Variants in EPHA1 observed in about 807,000 individuals in gnomAD.
The protein encoded by EPHA1 is EPH receptor A1, also known as ephrin type-A receptor 1.
A neutral mutation model predicts 110.1 loss-of-function variants in EPHA1; 92 were observed. The ratio of observed to expected loss-of-function variants is 0.84; its 90% CI spans 0.71 to 0.99. The LOEUF (loss-of-function observed/expected upper bound fraction) is 0.99. Among genes scored for constraint, EPHA1 ranks in the 50% least tolerant of loss-of-function variants. EPHA1 has a pLI of 0.00. For missense variants in EPHA1, 1,204 were observed against 1,285.4 expected, an observed-to-expected ratio of 0.94 and a Z score of 0.97; for synonymous variants, 500 against 516.1, an observed-to-expected ratio of 0.97 and a Z score of 0.42.
rs1222642376 is a variant in EPHA1 at position 143,394,239 on chromosome 7, C to A, written c.2457G>T (p.Val819=). 3.1e-6 allele frequency: 5 copies of A among 1,614,084 alleles called. No homozygotes were observed. The South Asian group carries it at 5.5e-5, about 18-fold the overall frequency. The change falls in exon 15 of 18, where the codon GTG becomes GTT. Residue 819 remains valine (V), a synonymous_variant. Coordinates refer to ENST00000275815, the MANE Select transcript of EPHA1 (RefSeq NM_005232.5). ...VWSFGIVMWE[V]LSFGDKPYGE... is the part of the protein sequence containing the mutation. ...CATAAGGCTTGTCCCCAAAGCTCAG[C>A]ACCTCCCACATCACAATCCCAAAGC...
chr7:143,392,503 A>G (rs1468280465), intron 16 of EPHA1, among the ~76,000 whole-genome samples: 2 of 152,156 alleles, frequency 1.3e-5, no homozygotes, highest in African/African-American at 4.8e-5. Flanking sequence ...TGGCTACCCA[A>G]TAAAGCACTT....
At chr7:143,407,521 T>C in intron 2 of EPHA1, 90 bp downstream of exon 2, 1 of 1,353,774 alleles carries the variant, frequency 7.4e-7, no homozygotes, top group Non-Finnish European at 1.0e-6. Context: ...TTTTTCCTGC[T>C]CTTTTCTCTG....
In EPHA1 at chr7:143,394,248, C is replaced by T. The variant is rs758500982; in HGVS notation, c.2448G>A (p.Met816Ile). ...ASDVWSFGIVMWEVLSFGDKP... is the reference protein window; with the variant it reads ...ASDVWSFGIVIWEVLSFGDKP... ...TGTCCCCAAAGCTCAGCACCTCCCACATCACAATCCCAAAGCTCCACACAT... is the reference window on the plus strand; with the variant it reads ...TGTCCCCAAAGCTCAGCACCTCCCATATCACAATCCCAAAGCTCCACACAT... Residue 816 changes from methionine to isoleucine, a missense_variant, in exon 15 of 18, where the codon ATG becomes ATA. By Grantham distance (10) the Met-to-Ile change is conservative. Transcript: ENST00000275815. 1 of 1,614,052 alleles carries T rather than the reference C, an allele frequency of 6.2e-7. No homozygotes were observed. Among genetic ancestry groups the T allele is most frequent in the South Asian group, 1.1e-5 (1 of 91,078 alleles).
rs1805222613 is a variant in EPHA1 at position 143,395,610 on chromosome 7, A to C, written c.1898-106T>G. The C allele has an allele frequency of 8.2e-7, 1 of 1,215,054 alleles. No individual in the cohort carries two copies. The highest frequency in any genetic ancestry group is 2.5e-5 in the Admixed American group (1 of 40,538). The allele number at this position is 1,215,054 out of a possible 1,614,324, so 75.3% of individuals were successfully genotyped here. A position where few individuals can be genotyped will look rare whatever the true frequency, so the allele number is the denominator to read the frequency against. ...CGGCCCTTTTCTTTTCTGGAGAATC[A>C]GAAGCGTGGAGTGCCCTTCCTGGGA... is the stretch of plus-strand genomic sequence containing the variant. On this transcript the variant is annotated intron_variant, in intron 11 of 17. Coordinates refer to ENST00000275815, the MANE Select transcript of EPHA1 (RefSeq NM_005232.5). The surrounding 1 kb of genome is among the most constrained non-coding windows in gnomAD (Gnocchi z 4.7).
Position 143,399,324 on chromosome 7 carries a change from T to C in EPHA1, c.925A>G (p.Thr309Ala), listed in dbSNP as rs749476007. 1.2e-6 allele frequency: 2 copies of C among 1,612,414 alleles called. No individual in the cohort carries two copies. The highest frequency in any genetic ancestry group is 3.3e-5 in the Admixed American group (2 of 59,948). The change falls in exon 5 of 18, where the codon ACC becomes GCC. Residue 309 changes from threonine (T) to alanine (A), a missense_variant. By Grantham distance (58) the Thr-to-Ala change is moderately conservative (BLOSUM62 0). Coordinates refer to ENST00000275815, the MANE Select transcript of EPHA1 (RefSeq NM_005232.5). ...TGGCCGCTCTCACAGGTACAGATGG[T>C]GGCCCCCTCAGACTCAGCAGTGCTC... ...QQSTAESEGA[T>A]ICTCESGHYR...
At position 143,395,171 on chromosome 7, in the gene EPHA1, T is replaced by C; in HGVS notation, c.2095A>G (p.Met699Val). ...TTCTCCATAAATTCTGTGATGATCA[T>C]GATCGGCTTTCCTGAGACACAGACA... ...EGVVTKRKPI[M>V]IITEFMENGA... The change falls in exon 13 of 18, where the codon ATG becomes GTG. Residue 699 changes from methionine to valine, a missense_variant. Physicochemically the swap from Met to Val is conservative, Grantham distance 21 (BLOSUM62 1). Coordinates refer to ENST00000275815, the MANE Select transcript of EPHA1 (RefSeq NM_005232.5). This position sits in a 1 kb window ranked among gnomAD's most constrained non-coding sequence, Gnocchi z 4.7. 7 of 1,613,848 alleles carry C rather than the reference T, an allele frequency of 4.3e-6. No homozygotes were observed. The highest frequency in any genetic ancestry group is 5.9e-6 in the Non-Finnish European group (7 of 1,180,038).
At chr7:143,408,652 A>G in intron 1 of EPHA1, 72 bp downstream of exon 1, 1 of 261,524 alleles carries the variant, frequency 3.8e-6, no homozygotes, top group Non-Finnish European at 6.0e-6. Context: ...CGGCTTCTGC[A>G]GGGGGGTGCT....
At chr7:143,392,471 T>C (rs1186146915) in intron 16 of EPHA1, among the ~76,000 whole-genome samples, 1 of 152,186 alleles carries the variant, frequency 6.6e-6, no homozygotes, top group South Asian at 2.1e-4. Flanking sequence ...GGTGGTTGGA[T>C]ACAGAGGCCA....
chr7:143,394,524 G>A (rs1405233869), intron 14 of EPHA1, among the ~76,000 whole-genome samples, 181 bp from the exon 15 acceptor site: 2 of 152,074 alleles, frequency 1.3e-5, no homozygotes, highest in South Asian at 2.1e-4. Context: ...AGGTTCAAGC[G>A]ATTCTCCTGC....
At chr7:143,408,494 C>G (rs1018841581) in intron 1 of EPHA1, among the ~76,000 whole-genome samples, 39 of 152,180 alleles carry the variant, frequency 2.6e-4, no homozygotes, top group Admixed American at 1.0e-3. Context: ...GAGCAGATTG[C>G]TGGCCTGCGG....
rs755258725 is a variant in EPHA1, at chr7:143,401,536, G to C, written c.220C>G (p.Arg74Gly). The change falls in exon 3 of 18, where the codon CGC becomes GGC. Residue 74 changes from arginine (R) to glycine (G), a missense_variant. Arg to Gly is a moderately radical substitution (Grantham distance 125). Transcript: ENST00000275815. This position sits in a 1 kb window ranked among gnomAD's most constrained non-coding sequence, Gnocchi z 4.1. ...CGAAGCCAGTGGTCAGTGTCTCTGC[G>C]TCCTTGCATTGGGCAGTCCTGGTAC... ...YMYQDCPMQG[R>G]RDTDHWLRSN... 6.2e-7 allele frequency: 1 copy of C among 1,614,124 alleles called. No homozygotes were observed. Among genetic ancestry groups the C allele is most frequent in the Non-Finnish European group, 8.5e-7 (1 of 1,180,028 alleles).
chr7:143,395,454 A>G lies in EPHA1; in HGVS notation c.1948T>C (p.Cys650Arg), dbSNP rs1248856138. The change falls in exon 12 of 18, where the codon TGC becomes CGC. Residue 650 changes from cysteine (C) to arginine (R), a missense_variant. Physicochemically the swap from Cys to Arg is radical, Grantham distance 180. Coordinates refer to ENST00000275815, the MANE Select transcript of EPHA1 (RefSeq NM_005232.5). The surrounding 1 kb of genome is among the most constrained non-coding windows in gnomAD (Gnocchi z 4.7). ...RGTLRLPSQD[C>R]KTVAIKTLKD... ...AAGGTCTTAATGGCCACAGTCTTGCAGTCCTGGCTGGGGAGCCTCAGGGTC... is the reference window on the plus strand; with the variant it reads ...AAGGTCTTAATGGCCACAGTCTTGCGGTCCTGGCTGGGGAGCCTCAGGGTC... The G allele has an allele frequency of 6.2e-7, 1 of 1,614,184 alleles. No individual in the cohort carries two copies. Among genetic ancestry groups the G allele is most frequent in the Non-Finnish European group, 8.5e-7 (1 of 1,180,052 alleles).
Position 143,397,924 on chromosome 7 carries a change from T to C in EPHA1, c.1611A>G (p.Pro537=). The C allele has an allele frequency of 6.2e-7, 1 of 1,613,916 alleles. No homozygotes were observed. Among genetic ancestry groups the C allele is most frequent in the South Asian group, 1.1e-5 (1 of 91,074 alleles). ...FSPDHEFRTS[P]PVSRGLTGGE... ...GCAGAGCACAAGATACCCCACCTGG[T>C]GGGCTGGTCCGAAACTCATGATCAG... The change falls in exon 8 of 18, where the codon CCA becomes CCG. Residue 537 remains proline (P), a synonymous_variant. Coordinates refer to ENST00000275815, the MANE Select transcript of EPHA1 (RefSeq NM_005232.5).
intron 2 of EPHA1, among the ~76,000 whole-genome samples, chr7:143,404,225 T>A (rs1294326517): frequency 6.6e-6 from 1 of 152,044 alleles, no homozygotes; most frequent in Non-Finnish European, 1.5e-5. Flanking sequence ...TATCTTTTTT[T>A]TTTTTTTATG....
Position 143,398,022 on chromosome 7 carries a change from C to CT in EPHA1, c.1512dup (p.Glu505ArgfsTer5). On this transcript the variant is annotated frameshift_variant, in exon 8 of 18. Transcript: ENST00000275815. LOFTEE classifies it high-confidence loss of function. ...ATGTATGTGGTGTCAGGCTGCAGCTCTGTCAGCAAGACCCTGGGTTCTAGA... is the reference window on the plus strand; with the variant it reads ...ATGTATGTGGTGTCAGGCTGCAGCTCTTGTCAGCAAGACCCTGGGTTCTAGA... The CT allele has an allele frequency of 6.2e-7, 1 of 1,614,146 alleles. No homozygotes were observed. Among genetic ancestry groups the CT allele is most frequent in the Non-Finnish European group, 8.5e-7 (1 of 1,180,020 alleles).
intron 2 of EPHA1, among the ~76,000 whole-genome samples, chr7:143,404,693 C>A (rs1362326939): frequency 6.6e-6 from 1 of 152,090 alleles, no homozygotes; most frequent in Non-Finnish European, 1.5e-5. Flanking sequence ...CCTGAGTGAT[C>A]TTGTGCAAGA....
intron 2 of EPHA1, among the ~76,000 whole-genome samples, chr7:143,402,884 G>A (rs1805458947): frequency 6.6e-6 from 1 of 152,160 alleles, no homozygotes; most frequent in Non-Finnish European, 1.5e-5. Flanking sequence ...ACAGAATAAA[G>A]TTTAATTCCC....
intron 14 of EPHA1, 22 bp downstream of exon 14, chr7:143,394,786 T>C (rs372030161): frequency 6.2e-7 from 1 of 1,613,360 alleles, no homozygotes; most frequent in African/African-American, 1.3e-5. Context: ...GAATGTGCAC[T>C]GGGTTTGTAC....
chr7:143,399,808 T>C lies in EPHA1; in HGVS notation c.678A>G (p.Glu226=), dbSNP rs921315527. The C allele has an allele frequency of 1.2e-6, 2 of 1,612,118 alleles. No individual in the cohort carries two copies. Among genetic ancestry groups the C allele is most frequent in the African/African-American group, 1.3e-5 (1 of 75,026 alleles). The part of the protein sequence containing the change: ...DTLPGPAGLV[E]VAGTCLPHAR... ...CGTGGGGCAAGCAGGTCCCCGCCAC[T>C]TCCACCAACCCAGCGGGGCCAGGCA... Residue 226 remains glutamate, a synonymous_variant, in exon 4 of 18, where the codon GAA becomes GAG. Coordinates refer to ENST00000275815, the MANE Select transcript of EPHA1 (RefSeq NM_005232.5).
Sources: allele counts gnomAD v4.1 joint callset (sites outside exome capture counted in the v4.1 genomes callset), GRCh38; gene constraint gnomAD v4.1.1; non-coding constraint Gnocchi (gnomAD v3.1); transcripts MANE v1.5; gene names NCBI Gene and HGNC (gene_info 2026-07-23, HGNC 2026-07-21).